Variants in COG4 observed in about 807,000 individuals in gnomAD.
The protein encoded by COG4 is conserved oligomeric Golgi complex subunit 4.
Under a neutral mutation model 95.1 loss-of-function variants are expected in COG4, and 65 were observed. The observed-to-expected ratio is 0.68, with a 90% confidence interval of 0.56 to 0.84. The LOEUF (loss-of-function observed/expected upper bound fraction) is 0.84. Among genes scored for constraint, COG4 ranks in the 40% least tolerant of loss-of-function variants. The probability of loss-of-function intolerance (pLI) is 0.00; values close to 1 mark genes in which losing one functional copy is unlikely to be tolerated. For synonymous variants in COG4, 421 were observed against 374.8 expected, an observed-to-expected ratio of 1.12 and a Z score of -1.42; for missense variants, 1,045 against 989.1, an observed-to-expected ratio of 1.06 and a Z score of -0.76.
At chr16:70,498,831 T>C (rs1056101656) in intron 9 of COG4, among the ~76,000 whole-genome samples, 1 of 152,246 alleles carries the variant, frequency 6.6e-6, no homozygotes, top group Non-Finnish European at 1.5e-5. Flanking sequence ...AGTCAAAAGA[T>C]GTAAGTTTCC....
At chr16:70,510,120 T>C (rs2049669321) in intron 5 of COG4, 99 bp from the exon 6 acceptor site, 2 of 962,864 alleles carry the variant, frequency 2.1e-6, no homozygotes, top group East Asian at 2.5e-5. Context: ...CTTTCTTTTT[T>C]TTCACATTTC....
At chr16:70,490,249 T>A in intron 13 of COG4, 81 bp downstream of exon 13, 1 of 1,160,180 alleles carries the variant, frequency 8.6e-7, no homozygotes, top group Non-Finnish European at 1.3e-6. Context: ...ATAAGTGTCT[T>A]CACCATGATG....
intron 12 of COG4, among the ~76,000 whole-genome samples, chr16:70,493,190 T>C (rs1337476802): frequency 6.6e-6 from 1 of 152,150 alleles, no homozygotes; most frequent in Non-Finnish European, 1.5e-5. Flanking sequence ...CTATTTGATA[T>C]TTTCTTAATG....
In COG4 at chr16:70,481,032, T is replaced by G. The variant is rs765871294; in HGVS notation, c.2348A>C (p.Asp783Ala). Residue 783 changes from aspartate to alanine, a missense_variant, in exon 19 of 19, where the codon GAT (aspartate) becomes GCT (alanine). By Grantham distance (126) the Asp-to-Ala change is moderately radical. Coordinates refer to ENST00000323786, the MANE Select transcript of COG4 (RefSeq NM_015386.3). Reference sequence around the variant, plus strand: ...CAGCTACAGGCGCAGCCTCTTGATATCTTCACTGCGGAAGTCTATCCGCAG... The same window carrying G: ...CAGCTACAGGCGCAGCCTCTTGATAGCTTCACTGCGGAAGTCTATCCGCAG... ...LALRIDFRSEDIKRLRL is the reference protein window; with the variant it reads ...LALRIDFRSEAIKRLRL 1 of 1,612,970 alleles carries G rather than the reference T, an allele frequency of 6.2e-7. No homozygotes were observed. The highest frequency in any genetic ancestry group is 1.7e-5 in the Admixed American group (1 of 60,018).
rs2048971408 is a variant in COG4, at chr16:70,480,727, T to C, written c.*283A>G. 2.1e-6 allele frequency: 1 copy of C among 480,202 alleles called. No individual in the cohort carries two copies. Among genetic ancestry groups the C allele is most frequent in the Admixed American group, 3.4e-5 (1 of 29,038 alleles). The allele number at this position is 480,202 out of a possible 1,614,324, so 29.7% of individuals were successfully genotyped here. A position where few individuals can be genotyped will look rare whatever the true frequency, so the allele number is the denominator to read the frequency against. ...TTGAGGGCAAGAGACTGACCATCCA[T>C]GCAGAAAGCTGGCCTGGGCTGCTCG... On this transcript the variant is annotated 3_prime_UTR_variant, in exon 19 of 19. Coordinates refer to ENST00000323786, the MANE Select transcript of COG4 (RefSeq NM_015386.3).
intron 5 of COG4, among the ~76,000 whole-genome samples, chr16:70,511,285 G>C (rs1483755362): frequency 8.3e-6 from 1 of 120,196 alleles, no homozygotes. Context: ...AAACAGGAAT[G>C]ACAACATATT....
At chr16:70,498,621 G>A (rs1161370612) in intron 9 of COG4, among the ~76,000 whole-genome samples, 4 of 152,052 alleles carry the variant, frequency 2.6e-5, no homozygotes, top group Admixed American at 1.3e-4. Context: ...CACCATGCCC[G>A]GCCTTATTTT....
At chr16:70,489,031 T>C (rs963936707) in intron 13 of COG4, among the ~76,000 whole-genome samples, 3 of 152,196 alleles carry the variant, frequency 2.0e-5, no homozygotes, top group Non-Finnish European at 1.5e-5. Flanking sequence ...GTCACACAGC[T>C]GGGCAGTGGT....
chr16:70,481,931 AG>A (rs1208403166), intron 16 of COG4, 66 bp from the exon 17 acceptor site: 1 of 1,478,898 alleles, frequency 6.8e-7, no homozygotes, highest in Non-Finnish European at 9.4e-7. Flanking sequence ...CTGGAGTCTT[AG>A]GTGGTGAGGA....
chr16:70,508,266 G>A, intron 8 of COG4, 140 bp downstream of exon 8: 1 of 763,982 alleles, frequency 1.3e-6, no homozygotes, highest in Non-Finnish European at 2.3e-6. Context: ...TTGTTCATAT[G>A]ATACATTGCA....
chr16:70,503,198 T>C (rs1462527419), intron 8 of COG4, among the ~76,000 whole-genome samples: 3 of 152,080 alleles, frequency 2.0e-5, no homozygotes, highest in East Asian at 1.9e-4. Flanking sequence ...ATTATAGACA[T>C]GTGCCACCAT....
At chr16:70,481,733 G>A (rs1371815363) in intron 17 of COG4, 31 bp downstream of exon 17, 1 of 1,578,596 alleles carries the variant, frequency 6.3e-7, no homozygotes, top group African/African-American at 1.3e-5. Context: ...GGAGAAACGA[G>A]AGCCGCAGAC....
At chr16:70,512,111 CAG>C in intron 5 of COG4, 126 bp downstream of exon 5, 1 of 885,306 alleles carries the variant, frequency 1.1e-6, no homozygotes, top group South Asian at 1.4e-5. Context: ...CATGGCTACA[CAG>C]CAAGGGCAGG....
intron 11 of COG4, 29 bp from the exon 12 acceptor site, chr16:70,496,460 G>C (rs1428502302): frequency 3.7e-6 from 6 of 1,612,764 alleles, no homozygotes; most frequent in Non-Finnish European, 5.1e-6. Context: ...TAGAGGAATT[G>C]ACAGTGCTCA....
intron 16 of COG4, 49 bp downstream of exon 16, chr16:70,482,043 G>A: frequency 1.3e-6 from 2 of 1,502,952 alleles, no homozygotes; most frequent in East Asian, 2.3e-5. Flanking sequence ...CTGCTGGTTT[G>A]GGCTGACGTG....
intron 8 of COG4, among the ~76,000 whole-genome samples, chr16:70,503,661 C>A (rs1057139156): frequency 7.2e-6 from 1 of 139,174 alleles, no homozygotes; most frequent in Non-Finnish European, 1.5e-5. Flanking sequence ...GTGGCGCTAT[C>A]CCGGCTCACT....
At chr16:70,498,076 G>T (rs2049376635) in intron 9 of COG4, 21 bp from the exon 10 acceptor site, 1 of 1,501,208 alleles carries the variant, frequency 6.7e-7, no homozygotes, top group African/African-American at 1.4e-5. Context: ...GCCAAGAAAG[G>T]AATACTCATT....
chr16:70,484,769 C>T (rs984914552), intron 13 of COG4, among the ~76,000 whole-genome samples: 2 of 152,176 alleles, frequency 1.3e-5, no homozygotes, highest in East Asian at 1.9e-4. Context: ...TGTAGTGGTG[C>T]GCCCCTGCAT....
At chr16:70,483,166 C>T (rs2049046140) in intron 14 of COG4, among the ~76,000 whole-genome samples, 1 of 74,012 alleles carries the variant, frequency 1.4e-5, no homozygotes. Flanking sequence ...TCTCCTCTCC[C>T]CACCCCTTCC....
Sources: gnomAD v4.1 joint callset for allele counts (sites outside exome capture counted in the v4.1 genomes callset) on GRCh38, gnomAD v4.1.1 for gene constraint, MANE v1.5 for transcripts, NCBI Gene and HGNC (gene_info 2026-07-23, HGNC 2026-07-21) for gene names.